PDXDC1: variants seen among roughly 807,000 people sequenced by gnomAD.
PDXDC1 encodes the protein pyridoxal dependent decarboxylase domain containing 1, also known as pyridoxal-dependent decarboxylase domain-containing protein 1.
PDXDC1 carries 42 observed loss-of-function variants against 100.1 expected under a neutral mutation model. That is an observed-to-expected ratio of 0.42 (90% CI 0.33 to 0.54). The LOEUF is 0.54. PDXDC1 is among the 20% of genes least tolerant of loss of function. The pLI is 0.10. For missense variants in PDXDC1, 636 were observed against 979.2 expected, an observed-to-expected ratio of 0.65 and a Z score of 4.68; for synonymous variants, 260 against 371.7, an observed-to-expected ratio of 0.70 and a Z score of 3.46.
chr16:15,122,666 C>G (rs894513015), intron 16 of PDXDC1, among the ~76,000 whole-genome samples: 1 of 151,060 alleles, frequency 6.6e-6, no homozygotes, highest in Non-Finnish European at 1.5e-5. Context: ...GCTGATAAAT[C>G]CCAGCAGGAG....
chr16:15,130,065 C>A, intron 16 of PDXDC1: 1 of 1,440,436 alleles, frequency 6.9e-7, no homozygotes, highest in Non-Finnish European at 9.7e-7. Flanking sequence ...TAGTTTACAT[C>A]CGCTGTCGGC....
chr16:15,109,230 G>A (rs1415055064), intron 16 of PDXDC1: 2 of 149,074 alleles, frequency 1.3e-5, no homozygotes, highest in African/African-American at 4.9e-5. Context: ...TGAATCTGGA[G>A]GTGACCCAAG....
rs752699075 is a variant in PDXDC1, at chr16:15,031,760, G to C, written c.1425G>C (p.Val475=). The C allele has an allele frequency of 6.2e-7, 1 of 1,612,556 alleles. No homozygotes were observed. The highest frequency in any genetic ancestry group is 8.5e-7 in the Non-Finnish European group (1 of 1,178,812). ...AAVLGTRGED[V]DQLVACIESK... ...TTTTAGGAACTCGGGGAGAGGATGTGGATCAGCTCGTAGCCTGCATAGAAA... is the reference window on the plus strand; with the variant it reads ...TTTTAGGAACTCGGGGAGAGGATGTCGATCAGCTCGTAGCCTGCATAGAAA... The change falls in exon 17 of 23, where the codon GTG becomes GTC. Residue 475 remains valine (V), a synonymous_variant. Coordinates refer to ENST00000396410, the MANE Select transcript of PDXDC1 (RefSeq NM_015027.4).
intron 8 of PDXDC1, among the ~76,000 whole-genome samples, chr16:15,013,978 G>A (rs1452226756): frequency 2.0e-5 from 3 of 152,228 alleles, no homozygotes; most frequent in African/African-American, 2.4e-5. Context: ...AGGCCAAGGC[G>A]GGAAGATCAC....
intron 12 of PDXDC1, among the ~76,000 whole-genome samples, chr16:15,021,790 C>T (rs2042227577): frequency 6.6e-6 from 1 of 152,292 alleles, no homozygotes; most frequent in Non-Finnish European, 1.5e-5. Context: ...GCATACATTT[C>T]CTGAGAGCGT....
At chr16:15,089,853 A>C (rs986141475) in intron 16 of PDXDC1, among the ~76,000 whole-genome samples, 4 of 149,824 alleles carry the variant, frequency 2.7e-5, no homozygotes, top group African/African-American at 4.9e-5. Context: ...GAAACGCTGA[A>C]GTTTTAAGAA....
Position 15,053,946 on chromosome 16 carries a change from ACC to A in PDXDC1, c.1399+23892_1399+23893del, listed in dbSNP as rs1276883444. Reference sequence around the variant, plus strand: ...AACCAACCAAACAAACAAACAAAAAACCCAACCTTTAATGTCTCCCTGTTGCT... The same window carrying A: ...AACCAACCAAACAAACAAACAAAAAACAACCTTTAATGTCTCCCTGTTGCT... On this transcript the variant is annotated intron_variant, in intron 16 of 16. Coordinates refer to the PDXDC1 transcript ENST00000535621. Among the ~76,000 whole-genome samples, 9 of 152,106 alleles carry A rather than the reference ACC, an allele frequency of 5.9e-5. No individual in the cohort carries two copies. In the East Asian group the frequency reaches 1.7e-3, roughly 29 times the overall value.
At chr16:15,022,109 C>T (rs1661090546) in intron 12 of PDXDC1, among the ~76,000 whole-genome samples, 1 of 152,288 alleles carries the variant, frequency 6.6e-6, no homozygotes, top group Non-Finnish European at 1.5e-5. Flanking sequence ...TGATGAGGGA[C>T]CTGGGATTGA....
chr16:15,051,506 C>A (rs1199739400), intron 16 of PDXDC1, among the ~76,000 whole-genome samples: 1 of 151,218 alleles, frequency 6.6e-6, no homozygotes, highest in Non-Finnish European at 1.5e-5. Flanking sequence ...GCCGACACAC[C>A]TGGCTAGTTT....
At chr16:15,053,191 G>C (rs1322204083) in intron 16 of PDXDC1, among the ~76,000 whole-genome samples, 1 of 152,240 alleles carries the variant, frequency 6.6e-6, no homozygotes, top group Admixed American at 6.5e-5. Flanking sequence ...CGCAGCTCCA[G>C]AGTCAAGGGC....
chr16:14,978,190 A>C (rs1470613348), intron 1 of PDXDC1, among the ~76,000 whole-genome samples: 1 of 152,294 alleles, frequency 6.6e-6, no homozygotes, highest in Non-Finnish European at 1.5e-5. Flanking sequence ...AGGCAAAGGA[A>C]ATTCAAACTT....
chr16:15,038,023 C>G lies in PDXDC1; in HGVS notation c.*1748C>G, dbSNP rs368414393. 5.0e-5 allele frequency: 80 copies of G among 1,606,780 alleles called. No individual in the cohort carries two copies. In the African/African-American group the frequency reaches 9.5e-4, roughly 19 times the overall value. On this transcript the variant is annotated 3_prime_UTR_variant, in exon 23 of 23. Transcript: ENST00000396410. ...CAAGAAGGTGCTTTCTTTGGTAATT[C>G]ATGTTTTTTAACTTCCTGGAGAAGA... is the stretch of plus-strand genomic sequence containing the variant.
At chr16:15,046,987 T>G (rs1460790272) in intron 16 of PDXDC1, among the ~76,000 whole-genome samples, 5 of 152,168 alleles carry the variant, frequency 3.3e-5, no homozygotes, top group Admixed American at 2.6e-4. Context: ...ACACCCCATC[T>G]TGTGTACAGT....
intron 16 of PDXDC1, among the ~76,000 whole-genome samples, chr16:15,093,135 G>T (rs1005740047): frequency 6.6e-6 from 1 of 152,070 alleles, no homozygotes. Flanking sequence ...CTCCTGAGTA[G>T]CTGGGATTAC....
chr16:14,984,491 ATATATTTT>A (rs1968838564), intron 1 of PDXDC1, among the ~76,000 whole-genome samples: 5 of 93,768 alleles, frequency 5.3e-5, no homozygotes, highest in Non-Finnish European at 8.1e-5. Context: ...ATATATATAT[ATATATTTT>A]TTTTTTTTTT....
At chr16:15,089,540 C>T (rs1288170164) in intron 16 of PDXDC1, among the ~76,000 whole-genome samples, 1 of 151,566 alleles carries the variant, frequency 6.6e-6, no homozygotes, top group African/African-American at 2.4e-5. Context: ...GTTACTCACG[C>T]CTCTAATCCC....
chr16:15,096,854 A>AT (rs2046375538), intron 16 of PDXDC1, among the ~76,000 whole-genome samples: 1 of 152,154 alleles, frequency 6.6e-6, no homozygotes, highest in Admixed American at 6.5e-5. Context: ...TTTTTGGTAA[A>AT]TACGAGGTCT....
Position 15,047,689 on chromosome 16 carries a change from G to T in PDXDC1, c.1399+17633G>T, listed in dbSNP as rs538657025. ...AAAACGGACAGGTCTGTGCTCCCCA[G>T]CCAACCCATTCTGACCAGGACACCA... is the stretch of plus-strand genomic sequence containing the variant. On this transcript the variant is annotated intron_variant, in intron 16 of 16. Coordinates refer to the PDXDC1 transcript ENST00000535621. 7 of 903,820 alleles carry T rather than the reference G, an allele frequency of 7.7e-6. No homozygotes were observed. In the South Asian group the frequency reaches 9.7e-5, roughly 13 times the overall value. The allele number at this position is 903,820 out of a possible 1,614,324, so 56.0% of individuals were successfully genotyped here.
chr16:15,034,569 C>T lies in PDXDC1; in HGVS notation c.2002+16C>T, dbSNP rs1325761474. 6.3e-7 allele frequency: 1 copy of T among 1,585,876 alleles called. No individual in the cohort carries two copies. Among genetic ancestry groups the T allele is most frequent in the East Asian group, 2.2e-5 (1 of 44,778 alleles). On this transcript the variant is annotated intron_variant, in intron 21 of 22. Transcript: ENST00000396410. ...TTGACAGCAGGTAGGACGGCATAGC[C>T]TCTTCCCAGGTCTTGCTGACCTTGG...
Sources: allele counts gnomAD v4.1 joint callset (sites outside exome capture counted in the v4.1 genomes callset), GRCh38; gene constraint gnomAD v4.1.1; transcripts MANE v1.5; gene names NCBI Gene and HGNC (gene_info 2026-07-23, HGNC 2026-07-21).